Variants in PCDHGB1 observed in about 807,000 individuals in gnomAD.
The protein encoded by PCDHGB1 is protocadherin gamma-B1.
In PCDHGB1, 34 loss-of-function variants were observed where a neutral mutation model predicts 56.6. The ratio of observed to expected loss-of-function variants is 0.60; its 90% CI spans 0.46 to 0.80. The LOEUF (loss-of-function observed/expected upper bound fraction) is 0.80, where lower values mean the gene tolerates loss of function less well. Among genes scored for constraint, PCDHGB1 ranks in the 30% least tolerant of loss-of-function variants. The pLI, the probability that PCDHGB1 is intolerant of heterozygous loss-of-function variation, is 0.00. For missense variants in PCDHGB1, 1,278 were observed against 1,204.6 expected (o/e 1.06, Z -0.90); for synonymous variants, 561 against 505.9 (o/e 1.11, Z -1.46).
intron 1 of PCDHGB1, among the ~76,000 whole-genome samples, chr5:141,442,846 C>T (rs1489647686): frequency 2.6e-5 from 4 of 152,234 alleles, no homozygotes; most frequent in Non-Finnish European, 4.4e-5. Context: ...AAATCTTGGC[C>T]ATTGTAGTAT....
At chr5:141,436,486 C>A (rs2097826645) in intron 1 of PCDHGB1, among the ~76,000 whole-genome samples, 1 of 152,152 alleles carries the variant, frequency 6.6e-6, no homozygotes. Flanking sequence ...AGAAGGATAG[C>A]AGCTTTGCAA....
intron 1 of PCDHGB1, among the ~76,000 whole-genome samples, chr5:141,484,797 G>C (rs1228143036): frequency 6.6e-6 from 1 of 152,064 alleles, no homozygotes; most frequent in Non-Finnish European, 1.5e-5. Flanking sequence ...ATAACAACCC[G>C]TGGAAAAACA....
rs556217163 is a variant in PCDHGB1, at chr5:141,433,697, C to T, written c.2410-61110C>T. Among the ~76,000 whole-genome samples the T allele has an allele frequency of 6.0e-4, 91 of 152,138 alleles. 1 individual carries two copies. Among genetic ancestry groups the T allele is most frequent in the African/African-American group, 2.0e-3 (85 of 41,536 alleles). ...CTAAAAAAATACAAAATTAGCCGGGCGTGGTGGTGCATGTCTGTAATCCCA... is the reference window on the plus strand; with the variant it reads ...CTAAAAAAATACAAAATTAGCCGGGTGTGGTGGTGCATGTCTGTAATCCCA... On this transcript the variant is annotated intron_variant, in intron 1 of 3. Coordinates refer to ENST00000523390, the MANE Select transcript of PCDHGB1 (RefSeq NM_018922.3).
intron 1 of PCDHGB1, chr5:141,384,387 C>A (rs774707320): frequency 6.2e-7 from 1 of 1,613,950 alleles, no homozygotes; most frequent in Admixed American, 1.7e-5. Context: ...AAGACACCAT[C>A]CAGGGGGCTC....
intron 1 of PCDHGB1, among the ~76,000 whole-genome samples, chr5:141,430,390 A>G (rs1231067120): frequency 6.6e-6 from 1 of 152,216 alleles, no homozygotes; most frequent in Non-Finnish European, 1.5e-5. Flanking sequence ...TGGGAAAAAA[A>G]AAAAAAGCTC....
At chr5:141,404,897 C>A in intron 1 of PCDHGB1, 1 of 1,613,920 alleles carries the variant, frequency 6.2e-7, no homozygotes, top group African/African-American at 1.3e-5. Context: ...TGTACAGGAC[C>A]ATGGCCAGCC....
In PCDHGB1 at chr5:141,476,824, C is replaced by A; in HGVS notation, c.2410-17983C>A. On this transcript the variant is annotated intron_variant, in intron 1 of 3. Coordinates refer to ENST00000523390, the MANE Select transcript of PCDHGB1 (RefSeq NM_018922.3). This position sits in a 1 kb window ranked among gnomAD's most constrained non-coding sequence, Gnocchi z 7.6. Reference sequence around the variant, plus strand: ...TGCCTATTCACATCAAGGTGCTGGACGCGAATGACAATGCGCCTGTCTTCA... The same window carrying A: ...TGCCTATTCACATCAAGGTGCTGGAAGCGAATGACAATGCGCCTGTCTTCA... The A allele has an allele frequency of 1.2e-6, 2 of 1,613,588 alleles. No individual in the cohort carries two copies. The highest frequency in any genetic ancestry group is 1.7e-6 in the Non-Finnish European group (2 of 1,180,036).
At chr5:141,423,362 T>G (rs1419859253) in intron 1 of PCDHGB1, 1 of 1,614,112 alleles carries the variant, frequency 6.2e-7, no homozygotes, top group African/African-American at 1.3e-5. Flanking sequence ...GTCATCGTGC[T>G]GCTGGCACTC....
intron 1 of PCDHGB1, among the ~76,000 whole-genome samples, chr5:141,448,855 G>A (rs2098611434): frequency 6.6e-6 from 1 of 152,172 alleles, no homozygotes. Context: ...TGAGGCAGGA[G>A]AATGGCGTGA....
chr5:141,391,681 T>TC (rs2092407596), intron 1 of PCDHGB1: 4 of 152,210 alleles, frequency 2.6e-5, no homozygotes, highest in Admixed American at 2.6e-4. Context: ...TGAAATAAGT[T>TC]CATCTGCTAC....
chr5:141,400,037 G>A, intron 1 of PCDHGB1: 4 of 1,613,246 alleles, frequency 2.5e-6, no homozygotes, highest in African/African-American at 1.3e-5. Context: ...GCCCGCCAGC[G>A]CCTGCTGGTT....
intron 1 of PCDHGB1, chr5:141,426,995 C>A (rs772977735): frequency 2.2e-6 from 1 of 456,694 alleles, no homozygotes; most frequent in South Asian, 1.5e-5. Context: ...ACGATAATGC[C>A]CCAGTTTTTA....
chr5:141,500,340 C>T (rs188966393), intron 2 of PCDHGB1, among the ~76,000 whole-genome samples: 1 of 151,950 alleles, frequency 6.6e-6, no homozygotes, highest in East Asian at 1.9e-4. Flanking sequence ...TCCAGAATAG[C>T]TGGGACTACA....
chr5:141,402,430 C>T (rs1026560659), intron 1 of PCDHGB1, among the ~76,000 whole-genome samples: 2 of 151,802 alleles, frequency 1.3e-5, no homozygotes, highest in African/African-American at 4.8e-5. Flanking sequence ...ATTGAAGCAT[C>T]ATAAAAAGGA....
At chr5:141,492,026 G>T in intron 1 of PCDHGB1, 1 of 567,198 alleles carries the variant, frequency 1.8e-6, no homozygotes, top group Non-Finnish European at 3.0e-6. Flanking sequence ...GGGGTCCCGG[G>T]AGGAGGCAGT....
chr5:141,400,333 C>T (rs538201613), intron 1 of PCDHGB1: 2 of 1,614,032 alleles, frequency 1.2e-6, no homozygotes, highest in East Asian at 2.2e-5. Context: ...ACCTGTGGTT[C>T]CCCCCAACTA....
intron 1 of PCDHGB1, chr5:141,410,118 G>C: frequency 1.2e-6 from 2 of 1,612,422 alleles, no homozygotes; most frequent in African/African-American, 2.7e-5. Flanking sequence ...GACGCAGCCC[G>C]CCAGCGCCTG....
intron 1 of PCDHGB1, chr5:141,372,223 A>G: frequency 6.2e-7 from 1 of 1,613,464 alleles, no homozygotes; most frequent in Non-Finnish European, 8.5e-7. Context: ...CACATTGTGC[A>G]GGCCAGCGAG....
intron 1 of PCDHGB1, chr5:141,364,690 A>G (rs754705935): frequency 2.5e-6 from 4 of 1,613,978 alleles, no homozygotes; most frequent in Non-Finnish European, 3.4e-6. Flanking sequence ...ATGGAGTAGA[A>G]GTAGAAATAA....
Sources: gnomAD v4.1 joint callset for allele counts (sites outside exome capture counted in the v4.1 genomes callset) on GRCh38, gnomAD v4.1.1 for gene constraint, Gnocchi (gnomAD v3.1) non-coding constraint, MANE v1.5 for transcripts, NCBI Gene and HGNC (gene_info 2026-07-23, HGNC 2026-07-21) for gene names.